Variants in ZNF676 observed in about 807,000 individuals in gnomAD.
The protein encoded by ZNF676 is zinc finger protein 676.
Under a neutral mutation model 6.0 loss-of-function variants are expected in ZNF676, and 4 were observed. The observed-to-expected ratio is 0.67, with a 90% confidence interval of 0.33 to 1.53. The LOEUF (loss-of-function observed/expected upper bound fraction) is 1.53. ZNF676 is among the 40% of genes most tolerant of loss of function. The pLI is 0.06. For synonymous variants in ZNF676, 198 were observed against 223.1 expected, an observed-to-expected ratio of 0.89 and a Z score of 1.00; for missense variants, 644 against 679.7, an observed-to-expected ratio of 0.95 and a Z score of 0.58.
upstream of ZNF676, among the ~76,000 whole-genome samples, chr19:22,198,732 T>A (rs2023996632): frequency 6.6e-6 from 1 of 152,100 alleles, no homozygotes; most frequent in African/African-American, 2.4e-5. Context: ...GAAGAAACAA[T>A]GAGTAGCTCC....
intron 1 of ZNF676, among the ~76,000 whole-genome samples, chr19:22,194,267 T>C (rs1270960757): frequency 6.6e-6 from 1 of 152,180 alleles, no homozygotes. Flanking sequence ...AGAGGCAGTG[T>C]GGCATCAGAT....
At chr19:22,196,461 A>T in intron 1 of ZNF676, 139 bp downstream of exon 1, 1 of 1,515,796 alleles carries the variant, frequency 6.6e-7, no homozygotes. Context: ...CAAGGAGTCC[A>T]CGACCCCTTC....
the ZNF676 span, among the ~76,000 whole-genome samples, chr19:22,247,493 G>T: frequency 6.6e-6 from 1 of 151,834 alleles, no homozygotes; most frequent in South Asian, 2.1e-4. Flanking sequence ...GAACACGGGA[G>T]GCAGAGGTAG....
the ZNF676 span, among the ~76,000 whole-genome samples, chr19:22,253,707 A>G: frequency 1.3e-5 from 2 of 151,932 alleles, no homozygotes; most frequent in African/African-American, 4.8e-5. Flanking sequence ...TTCACATATG[A>G]CGGTCACAAT....
chr19:22,238,563 T>C, the ZNF676 span, among the ~76,000 whole-genome samples: 1 of 152,132 alleles, frequency 6.6e-6, no homozygotes, highest in Admixed American at 6.5e-5. Context: ...AAAAAAGAAC[T>C]CCATCCTTAA....
At chr19:22,244,831 G>C in the ZNF676 span, 1 of 152,326 alleles carries the variant, frequency 6.6e-6, no homozygotes, top group Non-Finnish European at 1.5e-5. Context: ...AGTCCTGTAG[G>C]TGTTCGGTCC....
chr19:22,199,723 T>C (rs576473962), upstream of ZNF676, among the ~76,000 whole-genome samples: 100 of 152,302 alleles, frequency 6.6e-4, no homozygotes, highest in African/African-American at 2.4e-3. Flanking sequence ...TGTGTTTATA[T>C]TTACTTTCTT....
the ZNF676 span, among the ~76,000 whole-genome samples, chr19:22,234,211 G>A: frequency 1.3e-5 from 2 of 152,270 alleles, no homozygotes; most frequent in Admixed American, 6.5e-5. Flanking sequence ...CTTTCAGGTG[G>A]TGCCTTCATA....
intron 1 of ZNF676, among the ~76,000 whole-genome samples, chr19:22,212,402 G>A (rs1230260633): frequency 2.0e-5 from 3 of 151,680 alleles, no homozygotes; most frequent in African/African-American, 7.3e-5. Context: ...GCAATTTACA[G>A]TTAAAAAACT....
chr19:22,233,157 A>G, the ZNF676 span, among the ~76,000 whole-genome samples: 1 of 152,192 alleles, frequency 6.6e-6, no homozygotes, highest in East Asian at 1.9e-4. Context: ...AGAATTATTT[A>G]CATGCTCATA....
the ZNF676 span, among the ~76,000 whole-genome samples, chr19:22,240,225 CA>C: frequency 6.7e-6 from 1 of 149,870 alleles, no homozygotes; most frequent in African/African-American, 2.5e-5. Flanking sequence ...GCAGAAGAGC[CA>C]CAGCACCTGT....
chr19:22,220,075 T>C (rs2024232234), upstream of ZNF676, among the ~76,000 whole-genome samples: 1 of 152,204 alleles, frequency 6.6e-6, no homozygotes, highest in Non-Finnish European at 1.5e-5. Context: ...ATTGAGATAA[T>C]CATATAATTT....
upstream of ZNF676, among the ~76,000 whole-genome samples, chr19:22,219,915 A>G (rs563077005): frequency 2.0e-5 from 3 of 152,212 alleles, no homozygotes; most frequent in Non-Finnish European, 4.4e-5. Context: ...TCAGCCTCCC[A>G]AAGTGCTGGG....
chr19:22,211,986 T>C (rs2024133181), intron 1 of ZNF676, among the ~76,000 whole-genome samples: 1 of 150,222 alleles, frequency 6.7e-6, no homozygotes, highest in Non-Finnish European at 1.5e-5. Context: ...GATCATGAGG[T>C]CAGGAAATCA....
intron 2 of ZNF676, among the ~76,000 whole-genome samples, chr19:22,182,963 C>T (rs1385907260): frequency 6.6e-6 from 1 of 151,904 alleles, no homozygotes. Flanking sequence ...AATGAATATA[C>T]AACATAAATA....
the ZNF676 span, among the ~76,000 whole-genome samples, chr19:22,241,043 G>A: frequency 2.0e-5 from 3 of 151,878 alleles, no homozygotes; most frequent in Non-Finnish European, 2.9e-5. Flanking sequence ...CTGGGTGCAG[G>A]GCCTGACAGT....
chr19:22,200,515 ATT>A (rs3035052), upstream of ZNF676, among the ~76,000 whole-genome samples: 4 of 105,840 alleles, frequency 3.8e-5, no homozygotes, highest in Admixed American at 1.2e-4. Flanking sequence ...TGCTTCATCA[ATT>A]TTTTTTTTTT....
At chr19:22,230,239 A>C in the ZNF676 span, among the ~76,000 whole-genome samples, 1 of 152,214 alleles carries the variant, frequency 6.6e-6, no homozygotes, top group Non-Finnish European at 1.5e-5. Context: ...TCAGCAAACT[A>C]ACACAAGAAC....
Position 22,190,640 on chromosome 19 carries a change from TATATATATATATATATATATATATAC to T in ZNF676, c.130+2350_130+2375del, listed in dbSNP as rs1223144856. 9.5e-3 allele frequency among the ~76,000 whole-genome samples: 714 copies of T among 74,908 alleles called. 12 individuals carry two copies. Among genetic ancestry groups the T allele is most frequent in the African/African-American group, 0.042 (669 of 15,964 alleles). 49.1% of individuals were successfully genotyped at this position (74,908 alleles called of 152,430 possible). A position where few individuals can be genotyped will look rare whatever the true frequency, so the allele number is the denominator to read the frequency against. ...TAAAATAGAATGCAACATATATATA[TATATATATATATATATATATATATAC>T]ATACACACTTTAAGATATATGGTCA... On this transcript the variant is annotated intron_variant, in intron 2 of 2. Transcript: ENST00000397121.
Sources: gnomAD v4.1 joint callset for allele counts (sites outside exome capture counted in the v4.1 genomes callset) on GRCh38, gnomAD v4.1.1 for gene constraint, MANE v1.5 for transcripts, NCBI Gene and HGNC (gene_info 2026-07-23, HGNC 2026-07-21) for gene names.